SPRED1: variants seen among roughly 807,000 people sequenced by gnomAD.
The protein encoded by SPRED1 is sprouty-related, EVH1 domain-containing protein 1.
In SPRED1, 18 loss-of-function variants were observed where a neutral mutation model predicts 52.3. The observed-to-expected ratio is 0.34, with a 90% CI of 0.24 to 0.51. The LOEUF is 0.51. Ranked by LOEUF, SPRED1 falls within the 20% of genes least tolerant of loss-of-function variation. SPRED1 has a pLI of 0.97. For missense variants in SPRED1, 485 were observed against 551.0 expected (o/e 0.88, Z 1.20); for synonymous variants, 155 against 179.7 (o/e 0.86, Z 1.10).
intron 1 of SPRED1, among the ~76,000 whole-genome samples, chr15:38,281,762 A>G (rs1894694270): frequency 6.6e-6 from 1 of 151,986 alleles, no homozygotes. Context: ...AGAAATGTAC[A>G]TTTTTGTATA....
Position 38,353,212 on chromosome 15 carries a change from A to G in SPRED1, c.*1548A>G, listed in dbSNP as rs1427520400. The G allele has an allele frequency of 3.9e-5, 6 of 152,478 alleles. No individual in the cohort carries two copies. The highest frequency in any genetic ancestry group is 4.8e-5 in the African/African-American group (2 of 41,434). 9.4% of individuals were successfully genotyped at this position (152,478 alleles called of 1,614,324 possible). A position where few individuals can be genotyped will look rare whatever the true frequency, so the allele number is the denominator to read the frequency against. On this transcript the variant is annotated 3_prime_UTR_variant, in exon 7 of 7. Transcript: ENST00000299084. ...CACTACTATTTGAAGCTCATTTTCT[A>G]TGCAGGTTTTTAAACGTCATTTATG...
At chr15:38,262,619 T>C (rs1290366070) in intron 1 of SPRED1, among the ~76,000 whole-genome samples, 2 of 152,152 alleles carry the variant, frequency 1.3e-5, no homozygotes, top group Admixed American at 1.3e-4. Flanking sequence ...TTGTGAGTAG[T>C]GTAGATTTGT....
At chr15:38,271,195 C>T (rs1894427031) in intron 1 of SPRED1, among the ~76,000 whole-genome samples, 1 of 152,164 alleles carries the variant, frequency 6.6e-6, no homozygotes, top group Non-Finnish European at 1.5e-5. Flanking sequence ...TGTTTAGATT[C>T]TATGAAAATA....
At chr15:38,322,462 G>A in intron 3 of SPRED1, 53 bp downstream of exon 3, 1 of 1,585,608 alleles carries the variant, frequency 6.3e-7, no homozygotes. Flanking sequence ...ATATAGTAGA[G>A]GTTATCTTTC....
Position 38,353,186 on chromosome 15 carries a change from A to G in SPRED1, c.*1522A>G, listed in dbSNP as rs1273967028. ...TTCAGAGGTGATAAAAATTAAAATC[A>G]CACTACTATTTGAAGCTCATTTTCT... On this transcript the variant is annotated 3_prime_UTR_variant, in exon 7 of 7. Coordinates refer to ENST00000299084, the MANE Select transcript of SPRED1 (RefSeq NM_152594.3). 2 of 152,406 alleles carry G rather than the reference A, an allele frequency of 1.3e-5. No individual in the cohort carries two copies. The highest frequency in any genetic ancestry group is 3.9e-4 in the East Asian group (2 of 5,192). 9.4% of individuals were successfully genotyped at this position (152,406 alleles called of 1,614,324 possible).
chr15:38,325,450 G>GTT (rs147425691), intron 4 of SPRED1, among the ~76,000 whole-genome samples: 12 of 148,898 alleles, frequency 8.1e-5, no homozygotes, highest in Non-Finnish European at 1.8e-4. Flanking sequence ...AGTTTCTGGG[G>GTT]TTTTTTTTTT....
chr15:38,318,570 A>G (rs938231366), intron 2 of SPRED1, among the ~76,000 whole-genome samples: 59 of 151,992 alleles, frequency 3.9e-4, no homozygotes, highest in African/African-American at 1.4e-3. Context: ...TAGGTTTTGA[A>G]CTCTTACCTC....
At chr15:38,258,517 A>C (rs1030550770) in intron 1 of SPRED1, among the ~76,000 whole-genome samples, 2 of 152,080 alleles carry the variant, frequency 1.3e-5, no homozygotes, top group Non-Finnish European at 2.9e-5. Flanking sequence ...TTTTCCCTTG[A>C]GATAGTCTAA....
At chr15:38,324,031 A>T (rs1049049110) in intron 3 of SPRED1, among the ~76,000 whole-genome samples, 1 of 152,184 alleles carries the variant, frequency 6.6e-6, no homozygotes, top group South Asian at 2.1e-4. Context: ...ATCAGCTGCT[A>T]TATAGACTTT....
intron 5 of SPRED1, 132 bp downstream of exon 5, chr15:38,340,027 A>T: frequency 1.7e-6 from 2 of 1,154,686 alleles, no homozygotes; most frequent in Non-Finnish European, 2.5e-6. Flanking sequence ...CCCCACAAAC[A>T]AAACCAGGAG....
intron 1 of SPRED1, among the ~76,000 whole-genome samples, chr15:38,278,779 A>AT (rs1894616993): frequency 6.6e-6 from 1 of 150,986 alleles, no homozygotes; most frequent in Non-Finnish European, 1.5e-5. Context: ...AAGAAAAAAA[A>AT]GTCTGTACAT....
At position 38,266,643 on chromosome 15, in the gene SPRED1, A is replaced by AAAAC. The variant is rs60503156; in HGVS notation, c.32+13456_32+13459dup. Reference sequence around the variant, plus strand: ...GCAACAGAGTGAGACTCTGTCTCAAAAAACAAACAAACAAACAAACAAACA... The same window carrying AAAAC: ...GCAACAGAGTGAGACTCTGTCTCAAAAAACAAACAAACAAACAAACAAACAAACA... On this transcript the variant is annotated intron_variant, in intron 1 of 6. Transcript: ENST00000299084. Among the ~76,000 whole-genome samples the AAAAC allele has an allele frequency of 8.8e-3, 1,340 of 151,866 alleles. 23 individuals carry two copies. Among genetic ancestry groups the AAAAC allele is most frequent in the African/African-American group, 0.031 (1,268 of 41,332 alleles).
At chr15:38,319,261 T>C (rs1010148255) in intron 2 of SPRED1, among the ~76,000 whole-genome samples, 1 of 152,258 alleles carries the variant, frequency 6.6e-6, no homozygotes, top group Non-Finnish European at 1.5e-5. Flanking sequence ...CCTTGAATTC[T>C]AGAACTTAAT....
chr15:38,254,030 C>A (rs185881245), intron 1 of SPRED1, among the ~76,000 whole-genome samples: 314 of 152,272 alleles, frequency 2.1e-3, no homozygotes, highest in African/African-American at 7.0e-3. Context: ...GCTTTCCAAA[C>A]GAAATACTTC....
At chr15:38,350,163 T>A (rs1888452325) in intron 6 of SPRED1, among the ~76,000 whole-genome samples, 1 of 152,188 alleles carries the variant, frequency 6.6e-6, no homozygotes, top group African/African-American at 2.4e-5. Context: ...CAACAGAAAT[T>A]TATTTTCTCA....
chr15:38,268,017 C>T (rs981036479), intron 1 of SPRED1, among the ~76,000 whole-genome samples: 17 of 152,190 alleles, frequency 1.1e-4, no homozygotes, highest in African/African-American at 4.1e-4. Flanking sequence ...GATTAGAATT[C>T]AGTGTTCACA....
At position 38,355,994 on chromosome 15, in the gene SPRED1, T is replaced by C. The variant is rs930731731; in HGVS notation, c.*4330T>C. 5 of 152,182 alleles carry C rather than the reference T, an allele frequency of 3.3e-5. No individual in the cohort carries two copies. Among genetic ancestry groups the C allele is most frequent in the Admixed American group, 3.3e-4 (5 of 15,286 alleles). The allele number at this position is 152,182 out of a possible 1,614,324, so 9.4% of individuals were successfully genotyped here. A position where few individuals can be genotyped will look rare whatever the true frequency, so the allele number is the denominator to read the frequency against. Reference sequence around the variant, plus strand: ...CAGCCAGGTGGTTATAAAAGATTCATATGCTTTGGTACACTGATAAATGTT... The same window carrying C: ...CAGCCAGGTGGTTATAAAAGATTCACATGCTTTGGTACACTGATAAATGTT... On this transcript the variant is annotated 3_prime_UTR_variant, in exon 7 of 7. Transcript: ENST00000299084.
intron 5 of SPRED1, among the ~76,000 whole-genome samples, chr15:38,341,492 C>T (rs4924239): frequency 0.82 from 125,018 of 151,724 alleles, 52,299 homozygotes; most frequent in Non-Finnish European, 0.9. Flanking sequence ...CCACATTTTA[C>T]AATATTTTCT....
chr15:38,274,485 T>A (rs1894506106), intron 1 of SPRED1, among the ~76,000 whole-genome samples: 1 of 152,236 alleles, frequency 6.6e-6, no homozygotes, highest in African/African-American at 2.4e-5. Context: ...TATTCTCACT[T>A]TGAAATAATT....
Sources: allele counts gnomAD v4.1 joint callset (sites outside exome capture counted in the v4.1 genomes callset), GRCh38; gene constraint gnomAD v4.1.1; transcripts MANE v1.5; gene names NCBI Gene and HGNC (gene_info 2026-07-23, HGNC 2026-07-21).